Variants in TMEM67 observed in about 807,000 individuals in gnomAD.
The protein encoded by TMEM67 is transmembrane protein 67.
A neutral mutation model predicts 136.6 loss-of-function variants in TMEM67; 124 were observed. That is an observed-to-expected ratio of 0.91 (90% confidence interval 0.78 to 1.05). The LOEUF is 1.05. Ranked by LOEUF, TMEM67 falls within the 50% of genes least tolerant of loss-of-function variation. TMEM67 has a pLI of 0.00. For synonymous variants in TMEM67, 364 were observed against 390.5 expected (o/e 0.93, Z 0.80); for missense variants, 1,107 against 1,178.4 (o/e 0.94, Z 0.89).
At chr8:93,795,842 A>C (rs903754659) in intron 17 of TMEM67, 59 bp from the exon 18 acceptor site, 1 of 1,356,262 alleles carries the variant, frequency 7.4e-7, no homozygotes, top group African/African-American at 1.5e-5. Context: ...ACAAAAAACA[A>C]ACAAACAAAC....
intron 14 of TMEM67, among the ~76,000 whole-genome samples, chr8:93,788,427 G>A (rs1285370300): frequency 6.6e-6 from 1 of 152,182 alleles, no homozygotes; most frequent in Non-Finnish European, 1.5e-5. Flanking sequence ...GCCAGGCGTG[G>A]TGGCGCACAT....
chr8:93,771,114 A>G (rs894568344), intron 6 of TMEM67, among the ~76,000 whole-genome samples: 1 of 152,160 alleles, frequency 6.6e-6, no homozygotes, highest in African/African-American at 2.4e-5. Context: ...AGACTATGTA[A>G]ATATCCATTT....
At chr8:93,826,968 T>C in the TMEM67 span, among the ~76,000 whole-genome samples, 1 of 152,156 alleles carries the variant, frequency 6.6e-6, no homozygotes, top group East Asian at 1.9e-4. Context: ...TAGCTGAGAT[T>C]ACAGGCACGT....
intron 23 of TMEM67, among the ~76,000 whole-genome samples, chr8:93,807,080 A>G (rs956126578): frequency 6.6e-6 from 1 of 152,160 alleles, no homozygotes; most frequent in Non-Finnish European, 1.5e-5. Context: ...GAATATAAAA[A>G]TAATGATTTT....
the TMEM67 span, among the ~76,000 whole-genome samples, chr8:93,825,546 C>A: frequency 6.6e-6 from 1 of 152,022 alleles, no homozygotes; most frequent in Non-Finnish European, 1.5e-5. Flanking sequence ...TGCTGAGATG[C>A]CCATGAAGCA....
rs766691049 is a variant in TMEM67 at position 93,765,660 on chromosome 8, A to C, written c.651+14A>C. ...TATGGAGAAGTTGTGAGTATGTTTCAATTTTTTTGTTCTGTTGTTAAAAAA... is the reference window on the plus strand; with the variant it reads ...TATGGAGAAGTTGTGAGTATGTTTCCATTTTTTTGTTCTGTTGTTAAAAAA... On this transcript the variant is annotated intron_variant, in intron 6 of 27. Transcript: ENST00000453321. 1 of 1,591,384 alleles carries C rather than the reference A, an allele frequency of 6.3e-7. No individual in the cohort carries two copies. Among genetic ancestry groups the C allele is most frequent in the South Asian group, 1.1e-5 (1 of 90,594 alleles).
At chr8:93,807,497 A>G (rs934249085) in intron 23 of TMEM67, among the ~76,000 whole-genome samples, 2 of 152,118 alleles carry the variant, frequency 1.3e-5, no homozygotes, top group Admixed American at 6.5e-5. Flanking sequence ...TAAGTGAAAA[A>G]GGAGTCATTG....
the TMEM67 span, among the ~76,000 whole-genome samples, chr8:93,826,412 G>A: frequency 6.6e-6 from 1 of 152,062 alleles, no homozygotes; most frequent in African/African-American, 2.4e-5. Context: ...TAGTTAATCA[G>A]GCCTTGAGGG....
intron 27 of TMEM67, 98 bp downstream of exon 27, chr8:93,815,545 T>C: frequency 1.8e-6 from 2 of 1,131,504 alleles, no homozygotes; most frequent in Admixed American, 2.1e-5. Flanking sequence ...ATGTCTACTT[T>C]TACTACAATT....
intron 3 of TMEM67, chr8:93,762,952 T>C: frequency 2.3e-6 from 1 of 438,148 alleles, no homozygotes; most frequent in Non-Finnish European, 4.6e-6. Flanking sequence ...TGAAACAGGG[T>C]CTCACTCTTG....
intron 12 of TMEM67, 60 bp from the exon 13 acceptor site, chr8:93,786,163 A>G (rs957638941): frequency 5.4e-5 from 84 of 1,560,060 alleles, no homozygotes; most frequent in Non-Finnish European, 7.1e-5. Flanking sequence ...CATCTTATCT[A>G]AAACAATAAT....
chr8:93,782,435 C>A lies in TMEM67; in HGVS notation c.1106C>A (p.Ser369Ter). The A allele has an allele frequency of 6.2e-7, 1 of 1,612,912 alleles. No individual in the cohort carries two copies. The highest frequency in any genetic ancestry group is 1.1e-5 in the South Asian group (1 of 91,018). The stretch of plus-strand genomic sequence containing the variant: ...GAGACAAGGCTAAATGCTGCTTATT[C>A]ATTTGGAACAACCTACCAACAAAAT... ...DTETRLNAAY[S>*]FGTTYQQNCE... Residue 369 changes from serine to a stop codon, truncating the protein, a stop_gained, in exon 11 of 28, where the codon TCA (serine) becomes TAA (stop). Transcript: ENST00000453321. LOFTEE classifies it high-confidence loss of function.
chr8:93,758,525 A>G lies in TMEM67; in HGVS notation c.355A>G (p.Ser119Gly). The change falls in exon 3 of 28, where the codon AGT (serine) becomes GGT (glycine). Residue 119 changes from serine (S) to glycine (G), a missense_variant. This residue lies in a region of TMEM67 where 178 missense variants were observed against 159.2 expected (regional missense o/e 1.12). Transcript: ENST00000453321. ...EDGWNCISCP[S>G]DLTAEGKCHC... ...TGGCTGGAACTGCATTTCTTGCCCT[A>G]GTGACTTAACTGCCGAAGGAAAATG... The G allele has an allele frequency of 1.2e-6, 2 of 1,614,046 alleles. No homozygotes were observed. The highest frequency in any genetic ancestry group is 8.5e-7 in the Non-Finnish European group (1 of 1,179,958).
At chr8:93,825,336 T>G in the TMEM67 span, among the ~76,000 whole-genome samples, 2 of 152,166 alleles carry the variant, frequency 1.3e-5, no homozygotes, top group African/African-American at 4.8e-5. Flanking sequence ...ACAGGCTCAA[T>G]ATGGAACAAC....
At chr8:93,810,396 C>T (rs925069222) in intron 26 of TMEM67, among the ~76,000 whole-genome samples, 1 of 151,898 alleles carries the variant, frequency 6.6e-6, no homozygotes, top group Non-Finnish European at 1.5e-5. Flanking sequence ...GCCTGGCCAA[C>T]ATGGTGAAAC....
intron 20 of TMEM67, among the ~76,000 whole-genome samples, chr8:93,798,515 G>T (rs984631038): frequency 6.6e-6 from 1 of 152,162 alleles, no homozygotes; most frequent in African/African-American, 2.4e-5. Context: ...CATGGATTTG[G>T]TTGGAATTAT....
Position 93,803,659 on chromosome 8 carries a change from T to A in TMEM67, c.2297T>A (p.Phe766Tyr). The A allele has an allele frequency of 6.3e-7, 1 of 1,598,308 alleles. No homozygotes were observed. Among genetic ancestry groups the A allele is most frequent in the South Asian group, 1.1e-5 (1 of 90,742 alleles). ...ERFIEDKIRQFVDLCSMSNIS... is the reference protein window; with the variant it reads ...ERFIEDKIRQYVDLCSMSNIS... ...TTTATAGAAGATAAAATTCGACAGT[T>A]CGTTGATTTATGCTCTATGAGTAAT... The change falls in exon 22 of 28, where the codon TTC becomes TAC. Residue 766 changes from phenylalanine (F) to tyrosine (Y), a missense_variant. By Grantham distance (22) the Phe-to-Tyr change is conservative. Coordinates refer to ENST00000453321, the MANE Select transcript of TMEM67 (RefSeq NM_153704.6).
At chr8:93,828,907 A>G in the TMEM67 span, among the ~76,000 whole-genome samples, 1 of 152,174 alleles carries the variant, frequency 6.6e-6, no homozygotes, top group Non-Finnish European at 1.5e-5. Context: ...TTCATGTTAT[A>G]TTTATGTTAA....
Position 93,799,754 on chromosome 8 carries a change from T to A in TMEM67, c.2237T>A (p.Ile746Lys). The A allele has an allele frequency of 6.2e-7, 1 of 1,613,106 alleles. No homozygotes were observed. Among genetic ancestry groups the A allele is most frequent in the Non-Finnish European group, 8.5e-7 (1 of 1,179,218 alleles). Residue 746 changes from isoleucine to lysine, a missense_variant, in exon 21 of 28, where the codon ATA becomes AAA. Around this residue, in one of 3 missense-constraint regions of TMEM67, gnomAD observed 925 missense variants for 1,002.4 expected, o/e 0.92. Transcript: ENST00000453321. Reference protein sequence around the residue: ...SAALWLAIGIIQVVFFAVFYE... With the variant: ...SAALWLAIGIKQVVFFAVFYE... ...GCTCTTTGGCTAGCCATTGGAATTA[T>A]ACAGGTAAGGAATTATACAGGTAAT...
Sources: allele counts gnomAD v4.1 joint callset (sites outside exome capture counted in the v4.1 genomes callset), GRCh38; gene constraint gnomAD v4.1.1; regional missense constraint gnomAD v4.1.1; transcripts MANE v1.5; gene names NCBI Gene and HGNC (gene_info 2026-07-23, HGNC 2026-07-21).